The following NFASC variants were observed in gnomAD, a reference collection of about 807,000 sequenced individuals.
NFASC encodes neurofascin.
Under a neutral mutation model 147.5 loss-of-function variants are expected in NFASC, and 43 were observed. The ratio of observed to expected loss-of-function variants is 0.29; its 90% confidence interval spans 0.23 to 0.38. The LOEUF is 0.38. NFASC is among the 10% of genes least tolerant of loss of function. The pLI, the probability that NFASC is intolerant of heterozygous loss-of-function variation, is 1.00. For missense variants in NFASC, 1,320 were observed against 1,689.0 expected (o/e 0.78, Z 3.83); for synonymous variants, 622 against 665.5 (o/e 0.93, Z 1.01).
intron 2 of NFASC, among the ~76,000 whole-genome samples, chr1:204,926,414 T>A (rs1189629235): frequency 8.0e-4 from 14 of 17,492 alleles, no homozygotes; most frequent in Non-Finnish European, 1.4e-3. Context: ...ATATTTTTTT[T>A]TTTTTTTTTT....
chr1:204,922,003 C>T (rs2090580653), intron 2 of NFASC, among the ~76,000 whole-genome samples: 1 of 152,168 alleles, frequency 6.6e-6, no homozygotes, highest in African/African-American at 2.4e-5. Flanking sequence ...TACTGACTGA[C>T]AGTGTGTGTT....
In NFASC at chr1:204,954,480, TGGC is replaced by T; in HGVS notation, c.412+97_412+99del. The T allele has an allele frequency of 1.2e-5, 14 of 1,173,424 alleles. No homozygotes were observed. The highest frequency in any genetic ancestry group is 1.6e-5 in the Non-Finnish European group (13 of 832,888). 72.7% of individuals were successfully genotyped at this position (1,173,424 alleles called of 1,614,324 possible). Reference sequence around the variant, plus strand: ...ATTCCAGAAGGGCTGCCCCTGCCCTTGGCCTGCAGTTGCCTTGGTGTTCTCTAT... The same window carrying T: ...ATTCCAGAAGGGCTGCCCCTGCCCTTCTGCAGTTGCCTTGGTGTTCTCTAT... On this transcript the variant is annotated intron_variant, in intron 6 of 29. Coordinates refer to ENST00000339876, the MANE Select transcript of NFASC (RefSeq NM_001005388.3). The surrounding 1 kb of genome is among the most constrained non-coding windows in gnomAD (Gnocchi z 5.7).
chr1:205,003,626 G>T (rs2096046143), intron 27 of NFASC, among the ~76,000 whole-genome samples: 1 of 152,112 alleles, frequency 6.6e-6, no homozygotes, highest in Admixed American at 6.5e-5. Flanking sequence ...AGAGAGAAAA[G>T]GATCAGTACC....
intron 1 of NFASC, among the ~76,000 whole-genome samples, chr1:204,886,220 A>G (rs1253431518): frequency 6.6e-6 from 1 of 152,240 alleles, no homozygotes. Flanking sequence ...AAATGCTTTA[A>G]GCAAGAACTG....
chr1:204,969,256 C>T (rs2095117295), intron 10 of NFASC, among the ~76,000 whole-genome samples: 1 of 152,228 alleles, frequency 6.6e-6, no homozygotes. Context: ...TGAATTTCCT[C>T]CCACGGCCCA....
chr1:204,961,087 C>T (rs1253271001), intron 8 of NFASC, among the ~76,000 whole-genome samples: 1 of 152,104 alleles, frequency 6.6e-6, no homozygotes, highest in East Asian at 1.9e-4. Flanking sequence ...AGCTGTATAC[C>T]CCACCCCCTT....
chr1:204,916,595 A>T (rs1404522445), intron 1 of NFASC, among the ~76,000 whole-genome samples: 1 of 152,194 alleles, frequency 6.6e-6, no homozygotes, highest in Non-Finnish European at 1.5e-5. Flanking sequence ...CATCTAGGTG[A>T]GGAAGGATTT....
rs776646986 is a variant in NFASC at position 204,981,858 on chromosome 1, A to G, written c.2308A>G (p.Arg770Gly). 4.4e-6 allele frequency: 7 copies of G among 1,602,384 alleles called. No individual in the cohort carries two copies. The highest frequency in any genetic ancestry group is 1.7e-6 in the Non-Finnish European group (2 of 1,174,642). The change falls in exon 21 of 30, where the codon AGA (arginine) becomes GGA (glycine). Residue 770 changes from arginine to glycine, a missense_variant. Arg to Gly is a moderately radical substitution (Grantham distance 125). This residue lies in a region of NFASC where 981 missense variants were observed against 1,289.5 expected (regional missense o/e 0.76). Coordinates refer to ENST00000339876, the MANE Select transcript of NFASC (RefSeq NM_001005388.3). Reference protein sequence around the residue: ...NLRYIVKWRRRETREAWNNVT... With the variant: ...NLRYIVKWRRGETREAWNNVT... The stretch of plus-strand genomic sequence containing the variant: ...GCGCTACATTGTCAAGTGGAGGCGG[A>G]GAGAGACTCGAGAGGCCTGGAACAA...
chr1:204,918,371 T>G (rs2089744111), intron 1 of NFASC, among the ~76,000 whole-genome samples: 1 of 152,108 alleles, frequency 6.6e-6, no homozygotes, highest in African/African-American at 2.4e-5. Flanking sequence ...TGCAATTTAT[T>G]TTACCTCCTT....
At chr1:204,937,268 C>T (rs2595952) in intron 2 of NFASC, among the ~76,000 whole-genome samples, 4 of 152,024 alleles carry the variant, frequency 2.6e-5, no homozygotes, top group African/African-American at 9.7e-5. Flanking sequence ...ACCATACTAA[C>T]GTGTTCGTTA....
chr1:204,995,354 A>G lies in NFASC; in HGVS notation c.2783-1816A>G, dbSNP rs369811615. 5.3e-3 allele frequency among the ~76,000 whole-genome samples: 514 copies of G among 96,856 alleles called. 2 individuals are homozygous for G. Among genetic ancestry groups the G allele is most frequent in the African/African-American group, 0.016 (413 of 25,504 alleles). The allele number at this position is 96,856 out of a possible 152,430, so 63.5% of individuals were successfully genotyped here. On this transcript the variant is annotated intron_variant, in intron 24 of 29. Transcript: ENST00000339876. ...TGTGTGTGTGTGTGTGTGTGTGTGT[A>G]TGTGTGTCGGTGGGTGGGGATAAGT...
Position 205,002,675 on chromosome 1 carries a change from A to G in NFASC, c.3216A>G (p.Thr1072=), listed in dbSNP as rs368525780. ...TGACAGACCTCTATCCCGGGATGAC[A>G]TACACGTTGCGGGTTTATTCCCGGG... ...IQLTDLYPGM[T]YTLRVYSRDN... is the part of the protein sequence containing the mutation. The change falls in exon 27 of 30, where the codon ACA becomes ACG. Residue 1072 remains threonine, a synonymous_variant. Transcript: ENST00000339876. 2.3e-4 allele frequency: 366 copies of G among 1,589,428 alleles called. 1 individual carries two copies. In the African/African-American group the frequency reaches 4.4e-3, roughly 19 times the overall value.
chr1:204,922,674 C>T (rs757099186), intron 2 of NFASC, among the ~76,000 whole-genome samples: 42 of 152,172 alleles, frequency 2.8e-4, no homozygotes, highest in Non-Finnish European at 5.4e-4. Context: ...GTTTTTCTCG[C>T]TGTGATATCA....
intron 24 of NFASC, among the ~76,000 whole-genome samples, chr1:204,996,734 C>A (rs1294366321): frequency 6.6e-6 from 1 of 152,040 alleles, no homozygotes; most frequent in Non-Finnish European, 1.5e-5. Flanking sequence ...CTGGACAGGG[C>A]CCCACCGCCT....
chr1:204,855,188 A>C (rs2076048989), intron 1 of NFASC, among the ~76,000 whole-genome samples: 1 of 151,822 alleles, frequency 6.6e-6, no homozygotes, highest in African/African-American at 2.4e-5. Context: ...TAGATAGAGC[A>C]TATGTATAAT....
chr1:204,966,918 T>C (rs967677957), intron 8 of NFASC, among the ~76,000 whole-genome samples: 21 of 152,264 alleles, frequency 1.4e-4, no homozygotes, highest in African/African-American at 4.6e-4. Flanking sequence ...GAGAGTTGAG[T>C]GCCCCAGAAC....
In NFASC at chr1:204,907,521, G is replaced by A. The variant is rs115490000; in HGVS notation, c.-199-13111G>A. On this transcript the variant is annotated intron_variant, in intron 1 of 29. Coordinates refer to ENST00000339876, the MANE Select transcript of NFASC (RefSeq NM_001005388.3). ...CATACATACCTTCAGATGCATGTTC[G>A]ACCCTGGGTTTCCCAGTGTCACCAA... 7.2e-3 allele frequency among the ~76,000 whole-genome samples: 1,102 copies of A among 152,268 alleles called. 17 individuals carry two copies. Among genetic ancestry groups the A allele is most frequent in the African/African-American group, 0.026 (1,062 of 41,548 alleles).
chr1:204,898,695 C>T (rs2083888721), intron 1 of NFASC, among the ~76,000 whole-genome samples: 1 of 152,114 alleles, frequency 6.6e-6, no homozygotes, highest in Admixed American at 6.6e-5. Flanking sequence ...CCCAGTGCAG[C>T]CTCGTGTCCT....
At position 205,016,781 on chromosome 1, in the gene NFASC, T is replaced by C. The variant is rs1030853069; in HGVS notation, c.*242T>C. On this transcript the variant is annotated 3_prime_UTR_variant, in exon 30 of 30. Transcript: ENST00000339876. The surrounding 1 kb of genome is among the most constrained non-coding windows in gnomAD (Gnocchi z 5.1). Reference sequence around the variant, plus strand: ...AGCTGGAGCCGTGGCTGAGCTCAGCTGGAGGGAGCCTGGCCCCTTGCCCGG... The same window carrying C: ...AGCTGGAGCCGTGGCTGAGCTCAGCCGGAGGGAGCCTGGCCCCTTGCCCGG... 1 of 583,952 alleles carries C rather than the reference T, an allele frequency of 1.7e-6. No individual in the cohort carries two copies. The highest frequency in any genetic ancestry group is 3.2e-6 in the Non-Finnish European group (1 of 316,458). The allele number at this position is 583,952 out of a possible 1,614,324, so 36.2% of individuals were successfully genotyped here. A position where few individuals can be genotyped will look rare whatever the true frequency, so the allele number is the denominator to read the frequency against.
Sources: allele counts gnomAD v4.1 joint callset (sites outside exome capture counted in the v4.1 genomes callset), GRCh38; gene constraint gnomAD v4.1.1; regional missense constraint gnomAD v4.1.1; non-coding constraint Gnocchi (gnomAD v3.1); transcripts MANE v1.5; gene names NCBI Gene and HGNC (gene_info 2026-07-23, HGNC 2026-07-21).